The following GAPVD1 variants were observed in gnomAD, a reference collection of about 807,000 sequenced individuals.
GAPVD1 encodes GTPase activating protein and VPS9 domains 1.
Under a neutral mutation model 155.5 loss-of-function variants are expected in GAPVD1, and 35 were observed. The ratio of observed to expected loss-of-function variants is 0.23; its 90% confidence interval spans 0.17 to 0.30. The LOEUF (loss-of-function observed/expected upper bound fraction) is 0.30, where lower values mean the gene tolerates loss of function less well. Ranked by LOEUF, GAPVD1 falls within the 10% of genes least tolerant of loss-of-function variation. The probability of loss-of-function intolerance (pLI) is 1.00; values close to 1 mark genes in which losing one functional copy is unlikely to be tolerated. For synonymous variants in GAPVD1, 636 were observed against 619.7 expected, an observed-to-expected ratio of 1.03 and a Z score of -0.39; for missense variants, 1,429 against 1,775.7, an observed-to-expected ratio of 0.80 and a Z score of 3.51.
chr9:125,267,609 A>G (rs1269861711), intron 1 of GAPVD1, among the ~76,000 whole-genome samples: 2 of 152,088 alleles, frequency 1.3e-5, no homozygotes, highest in Non-Finnish European at 2.9e-5. Context: ...GGGTTTCACC[A>G]TGTTGATCAG....
At chr9:125,280,195 A>G (rs1836531347) in intron 2 of GAPVD1, among the ~76,000 whole-genome samples, 1 of 151,184 alleles carries the variant, frequency 6.6e-6, no homozygotes, top group Admixed American at 6.6e-5. Flanking sequence ...TCAGGAGTTC[A>G]AGACCAGCCT....
At chr9:125,282,185 A>AG (rs761760955) in intron 2 of GAPVD1, among the ~76,000 whole-genome samples, 3 of 152,186 alleles carry the variant, frequency 2.0e-5, no homozygotes, top group Non-Finnish European at 4.4e-5. Context: ...AGGCTGAGGC[A>AG]GGAGAATCAC....
At chr9:125,346,071 A>G (rs1196598455) in intron 19 of GAPVD1, 1 of 152,164 alleles carries the variant, frequency 6.6e-6, no homozygotes, top group African/African-American at 2.4e-5. Context: ...CCAGTTGACT[A>G]CTATTTTAGA....
At chr9:125,336,479 C>T (rs1564424457) in intron 15 of GAPVD1, among the ~76,000 whole-genome samples, 1 of 152,064 alleles carries the variant, frequency 6.6e-6, no homozygotes, top group Admixed American at 6.6e-5. Context: ...AGTATTGCCC[C>T]TATGTTTATA....
At position 125,331,985 on chromosome 9, in the gene GAPVD1, G is replaced by C; in HGVS notation, c.2233G>C (p.Gly745Arg). The C allele has an allele frequency of 6.2e-7, 1 of 1,613,820 alleles. No individual in the cohort carries two copies. Among genetic ancestry groups the C allele is most frequent in the Non-Finnish European group, 8.5e-7 (1 of 1,179,768 alleles). The change falls in exon 14 of 28, where the codon GGT becomes CGT. Residue 745 changes from glycine to arginine, a missense_variant. Gly to Arg is a moderately radical substitution (Grantham distance 125). Transcript: ENST00000297933. ...AGAACTGGAGAGCTGTTCTGGACTG[G>C]GTAGCACATCTGATGATACGGATGT... ...LQELESCSGLGSTSDDTDVRE... is the reference protein window; with the variant it reads ...LQELESCSGLRSTSDDTDVRE...
intron 2 of GAPVD1, among the ~76,000 whole-genome samples, chr9:125,286,186 T>A (rs1439211344): frequency 6.6e-6 from 1 of 152,148 alleles, no homozygotes; most frequent in East Asian, 1.9e-4. Flanking sequence ...CAATTATAGC[T>A]CACTGCAACG....
intron 18 of GAPVD1, 158 bp from the exon 19 acceptor site, chr9:125,342,061 T>A (rs1847910603): frequency 1.8e-6 from 1 of 557,456 alleles, no homozygotes; most frequent in Non-Finnish European, 3.2e-6. Context: ...TTTAAAAACC[T>A]TCATTACTAT....
intron 23 of GAPVD1, among the ~76,000 whole-genome samples, chr9:125,353,381 A>G (rs553435648): frequency 2.0e-5 from 3 of 152,298 alleles, no homozygotes; most frequent in South Asian, 4.1e-4. Flanking sequence ...AAGCCATTCA[A>G]CAAATCTCTA....
intron 9 of GAPVD1, among the ~76,000 whole-genome samples, chr9:125,312,923 C>T (rs1337188558): frequency 6.6e-6 from 1 of 152,076 alleles, no homozygotes; most frequent in African/African-American, 2.4e-5. Flanking sequence ...CGGGTTCAAG[C>T]AATTCTCCTG....
rs1234230527 is a variant in GAPVD1 at position 125,326,464 on chromosome 9, G to A, written c.1907G>A (p.Arg636His). ...LDDKLRKFEIRDMMGLTDDRD... is the reference protein window; with the variant it reads ...LDDKLRKFEIHDMMGLTDDRD... ...GATAAGCTAAGGAAGTTTGAAATTC[G>A]TGACATGATGGGATTAACAGATGAT... The change falls in exon 12 of 28, where the codon CGT becomes CAT. Residue 636 changes from arginine to histidine, a missense_variant. Transcript: ENST00000297933. 26 of 1,612,050 alleles carry A rather than the reference G, an allele frequency of 1.6e-5. No individual in the cohort carries two copies. Among genetic ancestry groups the A allele is most frequent in the East Asian group, 2.2e-5 (1 of 44,878 alleles).
chr9:125,359,728 C>A, intron 26 of GAPVD1: 1 of 477,476 alleles, frequency 2.1e-6, no homozygotes, highest in Non-Finnish European at 3.7e-6. Flanking sequence ...TGCCACTTCT[C>A]AAGTCAGCCC....
Position 125,365,325 on chromosome 9 carries a change from T to A in GAPVD1, c.*2579T>A, listed in dbSNP as rs999280060. The A allele has an allele frequency of 7.2e-5, 11 of 151,756 alleles. No homozygotes were observed. Among genetic ancestry groups the A allele is most frequent in the African/African-American group, 2.7e-4 (11 of 41,302 alleles). 9.4% of individuals were successfully genotyped at this position (151,756 alleles called of 1,614,324 possible). ...GAGATGGGGAGTGATTTGATTTTTT[T>A]TTTTTTTTTTAATAGAAAAGAGGAA... is the stretch of plus-strand genomic sequence containing the variant. On this transcript the variant is annotated 3_prime_UTR_variant, in exon 28 of 28. Transcript: ENST00000297933.
intron 17 of GAPVD1, among the ~76,000 whole-genome samples, chr9:125,339,491 C>T (rs1405358320): frequency 2.0e-5 from 3 of 152,180 alleles, no homozygotes; most frequent in African/African-American, 4.8e-5. Context: ...AGCTCTTTCT[C>T]GAAGTACCCT....
At chr9:125,325,222 T>TC (rs1410564186) in intron 11 of GAPVD1, among the ~76,000 whole-genome samples, 1 of 129,286 alleles carries the variant, frequency 7.7e-6, no homozygotes, top group African/African-American at 2.9e-5. Flanking sequence ...GAGACTCTGA[T>TC]TGAAAAAAAA....
Position 125,330,128 on chromosome 9 carries a change from G to C in GAPVD1, c.2083G>C (p.Gly695Arg). The change falls in exon 13 of 28, where the codon GGG (glycine) becomes CGG (arginine). Residue 695 changes from glycine (G) to arginine (R), a missense_variant. This residue lies in a region of GAPVD1 where 699 missense variants were observed against 826.0 expected (regional missense o/e 0.85). Transcript: ENST00000297933. ...LGSLLCLPGS[G>R]SVLLDPCTGS... ...CAGTTTGCTGTGCCTCCCAGGTTCA[G>C]GGTCAGTGCTTCTTGACCCCTGCAC... 6.2e-7 allele frequency: 1 copy of C among 1,612,612 alleles called. No homozygotes were observed. Among genetic ancestry groups the C allele is most frequent in the African/African-American group, 1.3e-5 (1 of 74,978 alleles).
At chr9:125,304,857 T>C (rs568322388) in intron 5 of GAPVD1, among the ~76,000 whole-genome samples, 1 of 152,336 alleles carries the variant, frequency 6.6e-6, no homozygotes, top group South Asian at 2.1e-4. Context: ...ATTTATACTT[T>C]CTCTAACTCT....
intron 8 of GAPVD1, among the ~76,000 whole-genome samples, chr9:125,311,959 A>G (rs1842740599): frequency 6.6e-6 from 1 of 152,098 alleles, no homozygotes; most frequent in Non-Finnish European, 1.5e-5. Context: ...AATTCAGGCA[A>G]TCCACCTGCC....
Position 125,301,967 on chromosome 9 carries a change from T to C in GAPVD1, c.186-16T>C. On this transcript the variant is annotated splice_polypyrimidine_tract_variant and intron_variant, in intron 4 of 27. Transcript: ENST00000297933. Reference sequence around the variant, plus strand: ...CTATTATTTTGCTTGTTTGCTCTTTTTTTTTTTTTTTTTAGTGCTGAAGCT... The same window carrying C: ...CTATTATTTTGCTTGTTTGCTCTTTCTTTTTTTTTTTTTAGTGCTGAAGCT... 3 of 1,203,348 alleles carry C rather than the reference T, an allele frequency of 2.5e-6. No individual in the cohort carries two copies. Among genetic ancestry groups the C allele is most frequent in the East Asian group, 3.1e-5 (1 of 32,624 alleles). The allele number at this position is 1,203,348 out of a possible 1,614,324, so 74.5% of individuals were successfully genotyped here.
At chr9:125,287,845 A>G (rs1837953126) in intron 2 of GAPVD1, 1 of 151,874 alleles carries the variant, frequency 6.6e-6, no homozygotes, top group Non-Finnish European at 1.5e-5. Flanking sequence ...GGTTCAAACA[A>G]TTCTCCTGCC....
Sources: allele counts gnomAD v4.1 joint callset (sites outside exome capture counted in the v4.1 genomes callset), GRCh38; gene constraint gnomAD v4.1.1; regional missense constraint gnomAD v4.1.1; transcripts MANE v1.5; gene names NCBI Gene and HGNC (gene_info 2026-07-23, HGNC 2026-07-21).